Variants in MALRD1 observed in about 807,000 individuals in gnomAD.
The protein encoded by MALRD1 is MAM and LDL receptor class A domain containing 1.
Under a neutral mutation model 242.1 loss-of-function variants are expected in MALRD1, and 247 were observed. That is an observed-to-expected ratio of 1.02 (90% CI 0.92 to 1.13). MALRD1 has a LOEUF of 1.13. MALRD1 is among the 50% of genes most tolerant of loss of function. The pLI is 0.00. For missense variants in MALRD1, 2,989 were observed against 2,533.1 expected, an observed-to-expected ratio of 1.18 and a Z score of -3.86; for synonymous variants, 995 against 866.6, an observed-to-expected ratio of 1.15 and a Z score of -2.60.
chr10:19,714,351 C>A (rs182396440), intron 38 of MALRD1, among the ~76,000 whole-genome samples: 1 of 152,254 alleles, frequency 6.6e-6, no homozygotes, highest in African/African-American at 2.4e-5. Flanking sequence ...TGGCCAAACT[C>A]CGCATCGTTC....
chr10:19,133,810 G>A (rs1833212372), intron 8 of MALRD1, 46 bp from the exon 9 acceptor site: 2 of 872,662 alleles, frequency 2.3e-6, no homozygotes, highest in Non-Finnish European at 3.0e-6. Flanking sequence ...TAAATGTGAA[G>A]ATTAGAATAC....
At chr10:19,133,979 A>G in intron 9 of MALRD1, 31 bp downstream of exon 9, 1 of 1,110,664 alleles carries the variant, frequency 9.0e-7, no homozygotes, top group East Asian at 3.2e-5. Flanking sequence ...GTATTTTTTT[A>G]TCATGGTTTA....
intron 1 of MALRD1, chr10:19,051,564 A>G (rs536179277): frequency 5.9e-6 from 1 of 169,606 alleles, no homozygotes; most frequent in Non-Finnish European, 1.3e-5. Flanking sequence ...GATCTAGAAG[A>G]TGATGAAGAT....
chr10:19,283,126 G>T lies in MALRD1; in HGVS notation c.3364G>T (p.Gly1122Trp), dbSNP rs772287588. Residue 1122 changes from glycine to tryptophan, a missense_variant, in exon 21 of 40, where the codon GGG (glycine) becomes TGG (tryptophan). Physicochemically the swap from Gly to Trp is radical, Grantham distance 184 (BLOSUM62 -2). Coordinates refer to ENST00000454679, the MANE Select transcript of MALRD1 (RefSeq NM_001142308.3). ...SNTFRWGLGN[G>W]ISIHHGEENH... Reference sequence around the variant, plus strand: ...CACATTCAGGTGGGGGCTTGGGAACGGGATCAGCATTCATCATGGGGAAGA... The same window carrying T: ...CACATTCAGGTGGGGGCTTGGGAACTGGATCAGCATTCATCATGGGGAAGA... 5 of 1,549,536 alleles carry T rather than the reference G, an allele frequency of 3.2e-6. No individual in the cohort carries two copies. The East Asian group carries it at 1.2e-4, about 38-fold the overall frequency.
At chr10:19,539,701 T>A (rs1033821769) in intron 32 of MALRD1, among the ~76,000 whole-genome samples, 3 of 151,834 alleles carry the variant, frequency 2.0e-5, no homozygotes, top group African/African-American at 4.8e-5. Flanking sequence ...TTTTTTGTAT[T>A]TTTGAGACAG....
chr10:19,125,274 TTTCTTTCTTTCTTTCTTTCC>T, intron 7 of MALRD1, among the ~76,000 whole-genome samples: 1 of 92,638 alleles, frequency 1.1e-5, no homozygotes. Flanking sequence ...TTTCTCTTTC[TTTCTTTCTTTCTTTCTTTCC>T]TTCCTTCCTT....
intron 1 of MALRD1, among the ~76,000 whole-genome samples, chr10:19,054,571 C>T (rs557728449): frequency 5.9e-5 from 9 of 152,288 alleles, no homozygotes; most frequent in African/African-American, 2.2e-4. Flanking sequence ...GCCGCCTATA[C>T]CCCAGTGTCT....
chr10:19,567,437 C>A, intron 32 of MALRD1, 65 bp from the exon 33 acceptor site: 2 of 1,316,690 alleles, frequency 1.5e-6, no homozygotes, highest in Non-Finnish European at 2.1e-6. Context: ...TTTCATCAAT[C>A]ATCTGGATGT....
At chr10:19,270,807 A>ACACACACACACACAC (rs1840192830) in intron 19 of MALRD1, among the ~76,000 whole-genome samples, 3 of 145,054 alleles carry the variant, frequency 2.1e-5, no homozygotes, top group African/African-American at 7.7e-5. Flanking sequence ...TTCAAAGGAT[A>ACACACACACACACAC]ACACACACAC....
intron 19 of MALRD1, among the ~76,000 whole-genome samples, chr10:19,274,250 A>G (rs1588831160): frequency 6.6e-6 from 1 of 152,312 alleles, no homozygotes; most frequent in Non-Finnish European, 1.5e-5. Context: ...TGATTGGATA[A>G]AGAAAATGTG....
Position 19,531,213 on chromosome 10 carries a change from G to A in MALRD1, c.5340G>A (p.Leu1780=), listed in dbSNP as rs1834399238. Residue 1780 remains leucine, a synonymous_variant, in exon 32 of 40, where the codon CTG becomes CTA. Transcript: ENST00000454679. ...TTCAAGGTAGTGGTCAGCACTTCCT[G>A]TACGTCAACTCATCTGGCTCCAAGG... ...DHTPGSGQHF[L]YVNSSGSKEG... is the part of the protein sequence containing the mutation. 6.5e-7 allele frequency: 1 copy of A among 1,550,122 alleles called. No homozygotes were observed. The highest frequency in any genetic ancestry group is 2.4e-5 in the East Asian group (1 of 40,908).
intron 36 of MALRD1, among the ~76,000 whole-genome samples, chr10:19,634,239 C>G (rs1840031861): frequency 6.6e-6 from 1 of 152,236 alleles, no homozygotes; most frequent in African/African-American, 2.4e-5. Context: ...TTCCCAGACT[C>G]CAATGCCAGA....
At chr10:19,372,593 G>A (rs1038693748) in intron 26 of MALRD1, among the ~76,000 whole-genome samples, 5 of 151,676 alleles carry the variant, frequency 3.3e-5, no homozygotes, top group African/African-American at 9.7e-5. Context: ...TTAGCCTCCC[G>A]AGTAGCTGGG....
chr10:19,227,600 A>G (rs1196806440), intron 18 of MALRD1, among the ~76,000 whole-genome samples: 3 of 152,110 alleles, frequency 2.0e-5, no homozygotes, highest in African/African-American at 7.2e-5. Context: ...AATGGAAAAA[A>G]TAGTAAATTG....
intron 19 of MALRD1, among the ~76,000 whole-genome samples, chr10:19,266,519 T>C (rs1320110184): frequency 1.3e-5 from 2 of 151,968 alleles, no homozygotes. Flanking sequence ...AACATTTATG[T>C]TTTTAATTTC....
chr10:19,465,389 A>G (rs1287660872), intron 29 of MALRD1, among the ~76,000 whole-genome samples: 2 of 152,178 alleles, frequency 1.3e-5, no homozygotes, highest in African/African-American at 4.8e-5. Flanking sequence ...GAGCTTAAAC[A>G]TATGTAAAAG....
chr10:19,165,236 G>C (rs1196629851), intron 12 of MALRD1, among the ~76,000 whole-genome samples: 3 of 43,736 alleles, frequency 6.9e-5, no homozygotes. Context: ...CACAGAAGTT[G>C]TTTGGAATAT....
Position 19,146,239 on chromosome 10 carries a change from T to A in MALRD1, c.1453T>A (p.Trp485Arg). The change falls in exon 11 of 40, where the codon TGG becomes AGG. Residue 485 changes from tryptophan (W) to arginine (R), a missense_variant. Trp to Arg is a moderately radical substitution (Grantham distance 101). Coordinates refer to ENST00000454679, the MANE Select transcript of MALRD1 (RefSeq NM_001142308.3). ...TGACTTTGAGTCGGGTTTCTGCGGT[T>A]GGGAGCCATTTCTCACAGAAGATTC... The part of the protein sequence containing the change: ...TCDFESGFCG[W>R]EPFLTEDSHW... The A allele has an allele frequency of 6.5e-6, 8 of 1,231,716 alleles. No individual in the cohort carries two copies. Among genetic ancestry groups the A allele is most frequent in the Non-Finnish European group, 8.1e-6 (8 of 987,942 alleles). The allele number at this position is 1,231,716 out of a possible 1,614,324, so 76.3% of individuals were successfully genotyped here. A position where few individuals can be genotyped will look rare whatever the true frequency, so the allele number is the denominator to read the frequency against.
intron 32 of MALRD1, among the ~76,000 whole-genome samples, chr10:19,566,459 A>G (rs988695527): frequency 1.3e-5 from 2 of 151,640 alleles, no homozygotes; most frequent in Non-Finnish European, 2.9e-5. Context: ...GGATAAGTTA[A>G]CTGTAGCTAA....
Sources: allele counts gnomAD v4.1 joint callset (sites outside exome capture counted in the v4.1 genomes callset), GRCh38; gene constraint gnomAD v4.1.1; transcripts MANE v1.5; gene names NCBI Gene and HGNC (gene_info 2026-07-23, HGNC 2026-07-21).